SND1: variants seen among roughly 807,000 people sequenced by gnomAD.
SND1 encodes staphylococcal nuclease domain-containing protein 1.
In SND1, 38 loss-of-function variants were observed where a neutral mutation model predicts 121.7. The observed-to-expected ratio is 0.31, with a 90% CI of 0.24 to 0.41. The LOEUF is 0.41. SND1 is among the 10% of genes least tolerant of loss of function. SND1 has a pLI of 1.00. For missense variants in SND1, 868 were observed against 1,184.6 expected (o/e 0.73, Z 3.92); for synonymous variants, 401 against 447.4 (o/e 0.90, Z 1.31).
At chr7:128,081,287 C>T (rs1009779554) in intron 17 of SND1, 73 bp from the exon 18 acceptor site, 55 of 1,578,942 alleles carry the variant, frequency 3.5e-5, no homozygotes, top group Non-Finnish European at 4.1e-5. Flanking sequence ...TGAGCCACCA[C>T]GCCTGGCCTC....
intron 15 of SND1, among the ~76,000 whole-genome samples, chr7:127,960,771 T>C (rs1584697162): frequency 6.6e-6 from 1 of 152,112 alleles, no homozygotes; most frequent in East Asian, 1.9e-4. Flanking sequence ...AGGAGAGAGA[T>C]TAGGACCAGA....
intron 15 of SND1, among the ~76,000 whole-genome samples, chr7:127,981,127 A>G (rs1325266382): frequency 1.3e-5 from 2 of 152,238 alleles, no homozygotes; most frequent in Non-Finnish European, 2.9e-5. Context: ...ACTGTGTTAC[A>G]TAAAAGCTTG....
intron 12 of SND1, among the ~76,000 whole-genome samples, chr7:127,864,013 T>G (rs1286420223): frequency 6.6e-6 from 1 of 152,222 alleles, no homozygotes; most frequent in Non-Finnish European, 1.5e-5. Flanking sequence ...CTATTGATGG[T>G]GTATACTCTG....
At chr7:128,005,076 TCTTG>T (rs1158303047) in intron 16 of SND1, among the ~76,000 whole-genome samples, 1 of 152,242 alleles carries the variant, frequency 6.6e-6, no homozygotes, top group East Asian at 1.9e-4. Context: ...AGCTTTTGAT[TCTTG>T]CTTTCCTGTC....
intron 13 of SND1, among the ~76,000 whole-genome samples, chr7:127,889,407 T>C (rs569274113): frequency 1.3e-4 from 20 of 152,158 alleles, no homozygotes; most frequent in African/African-American, 4.3e-4. Context: ...CAGATGTATG[T>C]ATTTATGGGT....
At chr7:127,656,006 C>T (rs574974203) in intron 1 of SND1, among the ~76,000 whole-genome samples, 1 of 152,288 alleles carries the variant, frequency 6.6e-6, no homozygotes, top group African/African-American at 2.4e-5. Flanking sequence ...CCCATTTCAC[C>T]TTACCCTCCC....
At chr7:127,945,036 C>CA (rs1801297795) in intron 15 of SND1, among the ~76,000 whole-genome samples, 2 of 152,200 alleles carry the variant, frequency 1.3e-5, no homozygotes. Flanking sequence ...GTTTCATCAT[C>CA]AGATTGTAAG....
chr7:127,822,520 C>A (rs1354824361), intron 11 of SND1, among the ~76,000 whole-genome samples: 1 of 151,704 alleles, frequency 6.6e-6, no homozygotes, highest in African/African-American at 2.4e-5. Context: ...ATTTTTTTTG[C>A]TGTTTTGTTT....
chr7:128,072,096 G>A (rs1455027068), intron 16 of SND1, among the ~76,000 whole-genome samples: 1 of 152,232 alleles, frequency 6.6e-6, no homozygotes, highest in Non-Finnish European at 1.5e-5. Flanking sequence ...GCGAGCATGT[G>A]GATTGCAGCC....
chr7:127,954,336 A>G (rs955302701), intron 15 of SND1, among the ~76,000 whole-genome samples: 1 of 152,180 alleles, frequency 6.6e-6, no homozygotes, highest in Non-Finnish European at 1.5e-5. Context: ...AATGCAGTCT[A>G]TAAACCTCAT....
chr7:127,874,424 A>G (rs528252998), intron 12 of SND1, among the ~76,000 whole-genome samples: 80 of 152,254 alleles, frequency 5.3e-4, no homozygotes, highest in Middle Eastern at 3.4e-3. Flanking sequence ...GGACCCTTTG[A>G]GGTTACTGAC....
At chr7:128,009,271 T>C (rs1241861467) in intron 16 of SND1, among the ~76,000 whole-genome samples, 6 of 152,222 alleles carry the variant, frequency 3.9e-5, no homozygotes, top group African/African-American at 1.4e-4. Context: ...GGTTAGGGCC[T>C]GGTGAGCCTG....
intron 12 of SND1, among the ~76,000 whole-genome samples, chr7:127,871,646 G>A (rs1799589091): frequency 6.6e-6 from 1 of 152,130 alleles, no homozygotes; most frequent in Admixed American, 6.6e-5. Context: ...TGAAAATAAT[G>A]AAATTTCTCC....
intron 15 of SND1, 44 bp from the exon 16 acceptor site, chr7:127,990,903 G>A (rs373274489): frequency 1.2e-4 from 170 of 1,441,492 alleles, no homozygotes; most frequent in Middle Eastern, 3.6e-4. Context: ...AGCAAGCCTA[G>A]TGGGCACCTT....
chr7:127,749,235 G>A (rs1001194579), intron 10 of SND1, among the ~76,000 whole-genome samples: 1 of 152,012 alleles, frequency 6.6e-6, no homozygotes, highest in South Asian at 2.1e-4. Context: ...ATGTTGCCCA[G>A]GCTGGTCTTG....
chr7:127,921,720 C>T (rs552051861), intron 14 of SND1, among the ~76,000 whole-genome samples: 3 of 152,238 alleles, frequency 2.0e-5, no homozygotes, highest in Admixed American at 2.0e-4. Context: ...GTCCCAATTC[C>T]TCCATTCCTT....
intron 2 of SND1, among the ~76,000 whole-genome samples, chr7:127,687,910 G>A (rs1165032127): frequency 6.6e-6 from 1 of 151,850 alleles, no homozygotes; most frequent in Non-Finnish European, 1.5e-5. Flanking sequence ...CCAGCCTTGA[G>A]TTCCTGAATT....
At chr7:127,804,498 A>G (rs1361015111) in intron 10 of SND1, among the ~76,000 whole-genome samples, 1 of 152,140 alleles carries the variant, frequency 6.6e-6, no homozygotes, top group East Asian at 1.9e-4. Flanking sequence ...ATTTAGTTGT[A>G]CCTCAACCCA....
At chr7:127,767,108 C>T (rs1563006132) in intron 10 of SND1, among the ~76,000 whole-genome samples, 1 of 152,058 alleles carries the variant, frequency 6.6e-6, no homozygotes, top group Non-Finnish European at 1.5e-5. Flanking sequence ...TTAATCGTCA[C>T]TTACTCATCC....
Sources: gnomAD v4.1 joint callset for allele counts (sites outside exome capture counted in the v4.1 genomes callset) on GRCh38, gnomAD v4.1.1 for gene constraint, MANE v1.5 for transcripts, NCBI Gene and HGNC (gene_info 2026-07-23, HGNC 2026-07-21) for gene names.